The following PEX13 variants were observed in gnomAD, a reference collection of about 807,000 sequenced individuals.
The protein encoded by PEX13 is peroxisomal biogenesis factor 13.
PEX13 carries 28 observed loss-of-function variants against 34.5 expected under a neutral mutation model. That is an observed-to-expected ratio of 0.81 (90% CI 0.60 to 1.11). PEX13 has a LOEUF of 1.11. PEX13 is among the 50% of genes most tolerant of loss of function. PEX13 has a pLI of 0.00. For synonymous variants in PEX13, 177 were observed against 175.1 expected, an observed-to-expected ratio of 1.01 and a Z score of -0.09; for missense variants, 550 against 491.0, an observed-to-expected ratio of 1.12 and a Z score of -1.13.
At chr2:61,039,463 G>C (rs1412362676) in intron 2 of PEX13, among the ~76,000 whole-genome samples, 1 of 152,030 alleles carries the variant, frequency 6.6e-6, no homozygotes, top group Non-Finnish European at 1.5e-5. Context: ...TCTGATCTTT[G>C]ACAAACCTGA....
intron 2 of PEX13, among the ~76,000 whole-genome samples, chr2:61,035,273 A>T (rs1223617408): frequency 1.3e-5 from 2 of 152,230 alleles, no homozygotes; most frequent in East Asian, 1.9e-4. Flanking sequence ...AAGGAATAGC[A>T]TCAACATCAA....
intron 1 of PEX13, chr2:61,019,093 A>G (rs193257733): frequency 2.0e-5 from 3 of 152,186 alleles, no homozygotes; most frequent in East Asian, 1.9e-4. Flanking sequence ...AGTGGTGACT[A>G]TTGTCCTTAT....
intron 1 of PEX13, 159 bp downstream of exon 1, chr2:61,018,010 G>T: frequency 1.5e-6 from 2 of 1,364,612 alleles, no homozygotes; most frequent in East Asian, 5.0e-5. Context: ...GCGCTTACCA[G>T]TGGGGACTTT....
chr2:61,024,256 C>G (rs1055272877), intron 1 of PEX13, among the ~76,000 whole-genome samples: 2 of 152,196 alleles, frequency 1.3e-5, no homozygotes, highest in South Asian at 4.1e-4. Context: ...CACAGGGATA[C>G]TTGAATCTGA....
intron 2 of PEX13, among the ~76,000 whole-genome samples, chr2:61,035,120 G>A (rs1275012476): frequency 6.6e-6 from 1 of 152,200 alleles, no homozygotes; most frequent in South Asian, 2.1e-4. Flanking sequence ...AGCTTGCAGA[G>A]GAAGGATCAG....
At chr2:61,039,115 A>T (rs1450227572) in intron 2 of PEX13, among the ~76,000 whole-genome samples, 2 of 152,242 alleles carry the variant, frequency 1.3e-5, no homozygotes, top group East Asian at 3.8e-4. Context: ...AAATGGAAGA[A>T]CATTCCATGC....
At chr2:61,018,039 C>T in intron 1 of PEX13, 188 bp downstream of exon 1, 1 of 1,444,008 alleles carries the variant, frequency 6.9e-7, no homozygotes, top group South Asian at 1.4e-5. Flanking sequence ...ACAGCTGTTT[C>T]TGACCCGGCA....
Position 61,037,266 on chromosome 2 carries a change from G to A in PEX13, c.787+5153G>A, listed in dbSNP as rs190657346. ...ACTTGAACTCACCTCTGGACCCAGC[G>A]GACCTAATAGACGTCTACAGAACTC... On this transcript the variant is annotated intron_variant, in intron 2 of 3. Coordinates refer to ENST00000295030, the MANE Select transcript of PEX13 (RefSeq NM_002618.4). Among the ~76,000 whole-genome samples the A allele has an allele frequency of 9.9e-4, 150 of 152,146 alleles. 1 individual carries two copies. Among genetic ancestry groups the A allele is most frequent in the African/African-American group, 3.0e-3 (125 of 41,500 alleles).
At chr2:61,029,305 C>T (rs1014607032) in intron 1 of PEX13, among the ~76,000 whole-genome samples, 2 of 152,086 alleles carry the variant, frequency 1.3e-5, no homozygotes, top group African/African-American at 2.4e-5. Context: ...CCACCTCACG[C>T]CCACTAGGAT....
At chr2:61,048,292 G>T (rs1208782928) in intron 3 of PEX13, among the ~76,000 whole-genome samples, 180 bp from the exon 4 acceptor site, 1 of 152,136 alleles carries the variant, frequency 6.6e-6, no homozygotes, top group Non-Finnish European at 1.5e-5. Flanking sequence ...AAAAATAGAA[G>T]AATGGACCCT....
Position 61,048,822 on chromosome 2 carries a change from A to G in PEX13, c.*52A>G. The G allele has an allele frequency of 7.3e-7, 1 of 1,375,584 alleles. No individual in the cohort carries two copies. The highest frequency in any genetic ancestry group is 1.0e-6 in the Non-Finnish European group (1 of 966,572). 85.2% of individuals were successfully genotyped at this position (1,375,584 alleles called of 1,614,324 possible). A position where few individuals can be genotyped will look rare whatever the true frequency, so the allele number is the denominator to read the frequency against. On this transcript the variant is annotated 3_prime_UTR_variant, in exon 4 of 4. Transcript: ENST00000295030. ...ACAATACTTTAGAGTACTTTTTAAA[A>G]TTATTTCTCACAAAGAAATGAATGT...
chr2:61,017,731 G>C lies in PEX13; in HGVS notation c.-29G>C. 6.5e-7 allele frequency: 1 copy of C among 1,539,140 alleles called. No homozygotes were observed. The highest frequency in any genetic ancestry group is 8.8e-7 in the Non-Finnish European group (1 of 1,138,156). On this transcript the variant is annotated 5_prime_UTR_variant, in exon 1 of 4. Transcript: ENST00000295030. ...ACGCGGGCCTGGACAGTCAGGGGTA[G>C]GAGCGGGAGCCGAGAGGAGGCGGAG... is the stretch of plus-strand genomic sequence containing the variant.
intron 2 of PEX13, among the ~76,000 whole-genome samples, chr2:61,044,385 A>G (rs1680673034): frequency 6.6e-6 from 1 of 152,110 alleles, no homozygotes; most frequent in Non-Finnish European, 1.5e-5. Context: ...TCAAGCTGAG[A>G]CTATAGGCGC....
At chr2:61,045,921 C>T in intron 3 of PEX13, 70 bp downstream of exon 3, 1 of 1,237,946 alleles carries the variant, frequency 8.1e-7, no homozygotes, top group Admixed American at 1.7e-5. Flanking sequence ...TTAAAAACTA[C>T]AACAAAGGAT....
At chr2:61,045,935 GTTCA>G (rs1680698718) in intron 3 of PEX13, 84 bp downstream of exon 3, 1 of 1,156,444 alleles carries the variant, frequency 8.6e-7, no homozygotes, top group African/African-American at 1.5e-5. Context: ...AAAGGATCTT[GTTCA>G]TTGTTAGTTA....
At chr2:61,047,236 A>G (rs1350892607) in intron 3 of PEX13, among the ~76,000 whole-genome samples, 2 of 151,842 alleles carry the variant, frequency 1.3e-5, no homozygotes, top group Non-Finnish European at 2.9e-5. Flanking sequence ...GCTCACTGCA[A>G]CCTCCGCCTC....
At chr2:61,032,614 G>C (rs1680471077) in intron 2 of PEX13, among the ~76,000 whole-genome samples, 1 of 152,166 alleles carries the variant, frequency 6.6e-6, no homozygotes, top group Non-Finnish European at 1.5e-5. Flanking sequence ...CTGAGATCCA[G>C]AGAACTCACT....
chr2:61,026,747 T>G (rs1021446383), intron 1 of PEX13, among the ~76,000 whole-genome samples: 15 of 152,238 alleles, frequency 9.9e-5, no homozygotes, highest in Non-Finnish European at 2.2e-4. Flanking sequence ...CATTTCTCTC[T>G]CTGATAATTT....
chr2:61,028,758 A>G (rs1290315598), intron 1 of PEX13, among the ~76,000 whole-genome samples: 2 of 152,156 alleles, frequency 1.3e-5, no homozygotes, highest in African/African-American at 4.8e-5. Context: ...AAAAAATGGG[A>G]TTGTTCTCAT....
Sources: allele counts gnomAD v4.1 joint callset (sites outside exome capture counted in the v4.1 genomes callset), GRCh38; gene constraint gnomAD v4.1.1; transcripts MANE v1.5; gene names NCBI Gene and HGNC (gene_info 2026-07-23, HGNC 2026-07-21).